CENPC: variants seen among roughly 807,000 people sequenced by gnomAD.
CENPC encodes centromere protein C, also known as CENP-C 1.
A neutral mutation model predicts 112.1 loss-of-function variants in CENPC; 63 were observed. That is an observed-to-expected ratio of 0.56 (90% CI 0.46 to 0.69). The LOEUF (loss-of-function observed/expected upper bound fraction) is 0.69. CENPC is among the 30% of genes least tolerant of loss of function. The pLI, the probability that CENPC is intolerant of heterozygous loss-of-function variation, is 0.00. For synonymous variants in CENPC, 333 were observed against 367.6 expected (o/e 0.91, Z 1.08); for missense variants, 1,000 against 1,103.8 (o/e 0.91, Z 1.33).
chr4:67,500,596 A>G (rs1258812774), intron 12 of CENPC, among the ~76,000 whole-genome samples: 2 of 152,208 alleles, frequency 1.3e-5, no homozygotes, highest in Non-Finnish European at 2.9e-5. Flanking sequence ...ACAAAAGCAC[A>G]CAGAGACCAG....
intron 13 of CENPC, 132 bp from the exon 14 acceptor site, chr4:67,494,120 G>A: frequency 3.7e-5 from 19 of 516,050 alleles, no homozygotes; most frequent in South Asian, 1.1e-4. Flanking sequence ...CAAAAGACTA[G>A]AAAAAACAAA....
At chr4:67,489,197 TACACACACACAC>T (rs33944071) in intron 17 of CENPC, among the ~76,000 whole-genome samples, 12 of 148,374 alleles carry the variant, frequency 8.1e-5, no homozygotes, top group African/African-American at 2.5e-4. Context: ...CTGTTATACA[TACACACACACAC>T]ACACACACAC....
rs1360101292 is a variant in CENPC at position 67,519,812 on chromosome 4, G to A, written c.332-310C>T. 2.5e-4 allele frequency among the ~76,000 whole-genome samples: 38 copies of A among 152,164 alleles called. 1 individual carries two copies. Among genetic ancestry groups the A allele is most frequent in the Admixed American group, 2.4e-3 (36 of 15,282 alleles). ...GTATATATACATACACAGTATATAT[G>A]TATATGAACATTTATCTATAATGAG... On this transcript the variant is annotated intron_variant, in intron 5 of 18. Transcript: ENST00000273853.
Position 67,545,495 on chromosome 4 carries a change from G to T in CENPC, c.-140C>A. On this transcript the variant is annotated 5_prime_UTR_variant, in exon 1 of 19. Transcript: ENST00000273853. ...TAACCTTAAGTCTCAGGCGACTGCC[G>T]CGAGAGCTGCGATCCGGAAGGCGCG... 2 of 764,912 alleles carry T rather than the reference G, an allele frequency of 2.6e-6. No individual in the cohort carries two copies. The highest frequency in any genetic ancestry group is 3.7e-6 in the Non-Finnish European group (2 of 536,384). The allele number at this position is 764,912 out of a possible 1,614,324, so 47.4% of individuals were successfully genotyped here. A position where few individuals can be genotyped will look rare whatever the true frequency, so the allele number is the denominator to read the frequency against.
In CENPC at chr4:67,514,796, T is replaced by C. The variant is rs1200013147; in HGVS notation, c.831-109A>G. The C allele has an allele frequency of 8.3e-6, 9 of 1,084,672 alleles. No individual in the cohort carries two copies. In the African/African-American group the frequency reaches 1.1e-4, roughly 13 times the overall value. 67.2% of individuals were successfully genotyped at this position (1,084,672 alleles called of 1,614,324 possible). The stretch of plus-strand genomic sequence containing the variant: ...ATCTAAATTTCTTTTAAACTGTTTA[T>C]ATATCTCCTCAATTTTCCCTTAATC... On this transcript the variant is annotated intron_variant, in intron 7 of 18. Coordinates refer to ENST00000273853, the MANE Select transcript of CENPC (RefSeq NM_001812.4).
chr4:67,517,327 A>G (rs1726086399), intron 7 of CENPC, among the ~76,000 whole-genome samples: 1 of 151,414 alleles, frequency 6.6e-6, no homozygotes, highest in Non-Finnish European at 1.5e-5. Context: ...AAGCCCGACT[A>G]ATTTTTGTAT....
At chr4:67,525,228 A>G (rs1726341055) in intron 5 of CENPC, among the ~76,000 whole-genome samples, 1 of 152,228 alleles carries the variant, frequency 6.6e-6, no homozygotes, top group Non-Finnish European at 1.5e-5. Flanking sequence ...AAAACCCTAG[A>G]AGAAAACCTA....
chr4:67,544,035 G>GT, intron 2 of CENPC, 114 bp downstream of exon 2: 2 of 656,402 alleles, frequency 3.0e-6, no homozygotes, highest in Non-Finnish European at 5.5e-6. Context: ...CCCTTAATCA[G>GT]TGGGCACAGA....
Position 67,475,064 on chromosome 4 carries a change from C to T in CENPC, c.2671-86G>A, listed in dbSNP as rs190534549. 3.9e-4 allele frequency: 273 copies of T among 695,298 alleles called. 3 individuals are homozygous for T. The highest frequency in any genetic ancestry group is 2.1e-3 in the South Asian group (112 of 53,562). 43.1% of individuals were successfully genotyped at this position (695,298 alleles called of 1,614,324 possible). ...CCTTAAAATGTAGTGGGAAGAATAACGACTCCCCACAAATGTGCTGGCTTT... is the reference window on the plus strand; with the variant it reads ...CCTTAAAATGTAGTGGGAAGAATAATGACTCCCCACAAATGTGCTGGCTTT... On this transcript the variant is annotated intron_variant, in intron 17 of 18. Coordinates refer to ENST00000273853, the MANE Select transcript of CENPC (RefSeq NM_001812.4).
intron 18 of CENPC, among the ~76,000 whole-genome samples, chr4:67,473,272 A>T (rs908721347): frequency 6.6e-6 from 1 of 152,166 alleles, no homozygotes; most frequent in East Asian, 1.9e-4. Context: ...ACTCTTAAAT[A>T]AATGAGGTAA....
chr4:67,478,666 A>ACACACAC (rs146500743), intron 17 of CENPC, among the ~76,000 whole-genome samples: 10 of 76,526 alleles, frequency 1.3e-4, no homozygotes, highest in African/African-American at 3.9e-4. Flanking sequence ...ACACACACAC[A>ACACACAC]CCCAAAGTAT....
intron 5 of CENPC, among the ~76,000 whole-genome samples, chr4:67,524,936 G>T (rs775931197): frequency 6.6e-6 from 1 of 152,106 alleles, no homozygotes; most frequent in Non-Finnish European, 1.5e-5. Flanking sequence ...ATACTATAAG[G>T]CTACAGTAAC....
intron 17 of CENPC, among the ~76,000 whole-genome samples, chr4:67,487,838 T>C (rs893917658): frequency 1.3e-5 from 2 of 151,716 alleles, no homozygotes; most frequent in Non-Finnish European, 2.9e-5. Context: ...ACTCTTCTCT[T>C]TTAAATATTC....
chr4:67,543,258 C>T, intron 2 of CENPC, among the ~76,000 whole-genome samples: 1 of 152,086 alleles, frequency 6.6e-6, no homozygotes, highest in Non-Finnish European at 1.5e-5. Flanking sequence ...TAAATCAGGT[C>T]TCTCTGCTAC....
chr4:67,471,595 A>C lies in CENPC; in HGVS notation c.*1010T>G, dbSNP rs1446011982. ...AAATCACAATAGAAAATTATAAAGT[A>C]TAAAAAAAGAGCCATCACACTTCAT... On this transcript the variant is annotated 3_prime_UTR_variant, in exon 19 of 19. Coordinates refer to ENST00000273853, the MANE Select transcript of CENPC (RefSeq NM_001812.4). 6.6e-6 allele frequency: 1 copy of C among 152,202 alleles called. No individual in the cohort carries two copies. The highest frequency in any genetic ancestry group is 6.5e-5 in the Admixed American group (1 of 15,288). The allele number at this position is 152,202 out of a possible 1,614,324, so 9.4% of individuals were successfully genotyped here.
intron 16 of CENPC, 106 bp from the exon 17 acceptor site, chr4:67,490,227 C>T: frequency 1.4e-6 from 1 of 736,056 alleles, no homozygotes; most frequent in Non-Finnish European, 2.0e-6. Context: ...TATAAATCTG[C>T]CTTAGAGAGT....
intron 10 of CENPC, among the ~76,000 whole-genome samples, chr4:67,507,800 T>C (rs1165362709): frequency 6.6e-6 from 1 of 152,060 alleles, no homozygotes; most frequent in Non-Finnish European, 1.5e-5. Context: ...CAAAGCAAGC[T>C]ACCGATCAGA....
In CENPC at chr4:67,469,264, G is replaced by A. The variant is rs1042095204; in HGVS notation, c.*3341C>T. 6.6e-6 allele frequency: 1 copy of A among 152,038 alleles called. No homozygotes were observed. Among genetic ancestry groups the A allele is most frequent in the Non-Finnish European group, 1.5e-5 (1 of 67,996 alleles). The allele number at this position is 152,038 out of a possible 1,614,324, so 9.4% of individuals were successfully genotyped here. A position where few individuals can be genotyped will look rare whatever the true frequency, so the allele number is the denominator to read the frequency against. ...CGATGGATTAATGGGTATCAAATTT[G>A]CCCTCCTCCAACAAACTTTAAAATA... is the stretch of plus-strand genomic sequence containing the variant. On this transcript the variant is annotated 3_prime_UTR_variant, in exon 19 of 19. Coordinates refer to ENST00000273853, the MANE Select transcript of CENPC (RefSeq NM_001812.4).
In CENPC at chr4:67,505,220, C is replaced by A; in HGVS notation, c.2116G>T (p.Val706Phe). 1 of 1,580,960 alleles carries A rather than the reference C, an allele frequency of 6.3e-7. No individual in the cohort carries two copies. The highest frequency in any genetic ancestry group is 1.2e-5 in the South Asian group (1 of 84,818). ...AATAGTTTACCTGAACTTCCATGAACTTCCTCATCATCCACATCATTCTTT... is the reference window on the plus strand; with the variant it reads ...AATAGTTTACCTGAACTTCCATGAAATTCCTCATCATCCACATCATTCTTT... ...SGKNDVDDEE[V>F]HGSSDDSKQS... Residue 706 changes from valine (V) to phenylalanine (F), a missense_variant, in exon 12 of 19, where the codon GTT (valine) becomes TTT (phenylalanine). By Grantham distance (50) the Val-to-Phe change is conservative. Transcript: ENST00000273853.
Sources: gnomAD v4.1 joint callset for allele counts (sites outside exome capture counted in the v4.1 genomes callset) on GRCh38, gnomAD v4.1.1 for gene constraint, MANE v1.5 for transcripts, NCBI Gene and HGNC (gene_info 2026-07-23, HGNC 2026-07-21) for gene names.